Variants in ROBO2 observed in about 807,000 individuals in gnomAD.
The protein encoded by ROBO2 is roundabout homolog 2.
A neutral mutation model predicts 160.8 loss-of-function variants in ROBO2; 53 were observed. The observed-to-expected ratio is 0.33, with a 90% CI of 0.26 to 0.41. The LOEUF is 0.41. ROBO2 is among the 10% of genes least tolerant of loss of function. The pLI is 1.00. For synonymous variants in ROBO2, 664 were observed against 611.7 expected (o/e 1.09, Z -1.26); for missense variants, 1,577 against 1,722.4 (o/e 0.92, Z 1.49).
chr3:76,736,053 G>A (rs2093705643), intron 2 of ROBO2, among the ~76,000 whole-genome samples: 1 of 151,692 alleles, frequency 6.6e-6, no homozygotes, highest in Non-Finnish European at 1.5e-5. Context: ...GGAGGCCGAG[G>A]CGGGCGGATC....
At chr3:77,440,206 C>T (rs561249156) in intron 2 of ROBO2, among the ~76,000 whole-genome samples, 7 of 152,216 alleles carry the variant, frequency 4.6e-5, no homozygotes, top group Non-Finnish European at 7.4e-5. Flanking sequence ...ACATATGACA[C>T]ATTTTTACAC....
At chr3:77,555,977 C>G (rs1180029466) in intron 8 of ROBO2, among the ~76,000 whole-genome samples, 2 of 151,784 alleles carry the variant, frequency 1.3e-5, no homozygotes, top group African/African-American at 4.8e-5. Flanking sequence ...AAGAAAAAAA[C>G]TAATTAGATG....
At chr3:77,394,902 T>C (rs2075117950) in intron 2 of ROBO2, among the ~76,000 whole-genome samples, 1 of 152,176 alleles carries the variant, frequency 6.6e-6, no homozygotes, top group South Asian at 2.1e-4. Context: ...TTAATGCCAA[T>C]TCTTCACTAA....
chr3:76,811,783 T>A (rs908589601), intron 2 of ROBO2, among the ~76,000 whole-genome samples: 8 of 37,710 alleles, frequency 2.1e-4, no homozygotes, highest in Non-Finnish European at 4.7e-4. Context: ...CCCTCCTTCC[T>A]TCCTTCCTTC....
chr3:76,843,091 A>G (rs546246576), intron 2 of ROBO2, among the ~76,000 whole-genome samples: 4 of 152,098 alleles, frequency 2.6e-5, no homozygotes, highest in African/African-American at 4.8e-5. Context: ...TTTCCACTTG[A>G]GCTTTATAGA....
At chr3:77,325,746 C>G (rs1279458872) in intron 2 of ROBO2, among the ~76,000 whole-genome samples, 1 of 151,424 alleles carries the variant, frequency 6.6e-6, no homozygotes, top group East Asian at 1.9e-4. Context: ...TGAACTGTAA[C>G]TATCTATTAG....
At chr3:76,936,984 T>A (rs1261029709) in intron 2 of ROBO2, among the ~76,000 whole-genome samples, 1 of 151,538 alleles carries the variant, frequency 6.6e-6, no homozygotes, top group Non-Finnish European at 1.5e-5. Context: ...CTAGCACATT[T>A]TATGTAGTGT....
At chr3:76,991,959 T>C (rs1341645447) in intron 2 of ROBO2, among the ~76,000 whole-genome samples, 1 of 152,130 alleles carries the variant, frequency 6.6e-6, no homozygotes, top group Non-Finnish European at 1.5e-5. Flanking sequence ...TGGGACACTG[T>C]AGAAATGTAA....
chr3:76,116,520 C>T (rs574952466), intron 2 of ROBO2, among the ~76,000 whole-genome samples: 44 of 152,152 alleles, frequency 2.9e-4, no homozygotes, highest in Admixed American at 5.2e-4. Flanking sequence ...GGAGGAGAAC[C>T]GAGATGCTTT....
chr3:76,107,520 TA>T (rs1183003508), intron 2 of ROBO2, among the ~76,000 whole-genome samples: 1 of 152,184 alleles, frequency 6.6e-6, no homozygotes, highest in East Asian at 1.9e-4. Context: ...CTCCTTTTTT[TA>T]ACTTCATGTG....
At chr3:76,975,192 A>G (rs2059755000) in intron 2 of ROBO2, among the ~76,000 whole-genome samples, 1 of 152,184 alleles carries the variant, frequency 6.6e-6, no homozygotes, top group Non-Finnish European at 1.5e-5. Context: ...CTTCCTACAC[A>G]GAAGGCTTCA....
At chr3:76,381,429 C>T (rs923282898) in intron 2 of ROBO2, among the ~76,000 whole-genome samples, 1 of 152,110 alleles carries the variant, frequency 6.6e-6, no homozygotes, top group Non-Finnish European at 1.5e-5. Context: ...CTGCTCACTG[C>T]AACCTCCACC....
At chr3:76,293,284 G>A (rs1458436638) in intron 2 of ROBO2, among the ~76,000 whole-genome samples, 1 of 152,178 alleles carries the variant, frequency 6.6e-6, no homozygotes, top group Non-Finnish European at 1.5e-5. Context: ...CAAAATAAAT[G>A]TTCGGAAAAA....
exon 1 of ROBO2, chr3:77,040,631 C>G (rs1367859595): frequency 1.3e-6 from 2 of 1,507,988 alleles, no homozygotes. Flanking sequence ...TCTCCACCAA[C>G]CCCTTCTGAT....
chr3:76,603,351 AATATATATATATATATATAT>A (rs71104603), intron 2 of ROBO2, among the ~76,000 whole-genome samples: 1 of 26,406 alleles, frequency 3.8e-5, no homozygotes, highest in Non-Finnish European at 5.8e-5. Flanking sequence ...AAAAAAAAAA[AATATATATATATATATATAT>A]ATATATATAT....
intron 1 of ROBO2, among the ~76,000 whole-genome samples, chr3:77,085,333 A>G (rs139648129): frequency 2.8e-4 from 42 of 152,258 alleles, no homozygotes; most frequent in African/African-American, 1.0e-3. Context: ...AGATTCTATA[A>G]TTTTGTAAAC....
intron 2 of ROBO2, among the ~76,000 whole-genome samples, chr3:77,244,371 T>C (rs141849085): frequency 1.5e-4 from 23 of 152,240 alleles, no homozygotes; most frequent in African/African-American, 5.5e-4. Flanking sequence ...AATACAACTG[T>C]TGGACTTAGG....
At chr3:76,855,295 GAT>G (rs1222776505) in intron 2 of ROBO2, among the ~76,000 whole-genome samples, 5 of 152,128 alleles carry the variant, frequency 3.3e-5, no homozygotes, top group African/African-American at 1.2e-4. Context: ...TGCTGTAATT[GAT>G]GTTCAAGGAG....
chr3:76,625,525 G>GAA (rs34852080), intron 2 of ROBO2, among the ~76,000 whole-genome samples: 16 of 149,672 alleles, frequency 1.1e-4, no homozygotes, highest in Admixed American at 8.7e-4. Context: ...CGTGCAGCAG[G>GAA]AAAAAAAAAA....
Sources: allele counts gnomAD v4.1 joint callset (sites outside exome capture counted in the v4.1 genomes callset), GRCh38; gene constraint gnomAD v4.1.1; transcripts MANE v1.5; gene names NCBI Gene and HGNC (gene_info 2026-07-23, HGNC 2026-07-21).